Variants in CTNND2 observed in about 807,000 individuals in gnomAD.
CTNND2 encodes the protein catenin delta 2.
Under a neutral mutation model 144.4 loss-of-function variants are expected in CTNND2, and 22 were observed. That is an observed-to-expected ratio of 0.15 (90% CI 0.11 to 0.22). The LOEUF is 0.22. CTNND2 is among the 10% of genes least tolerant of loss of function. The pLI is 1.00. For missense variants in CTNND2, 1,353 were observed against 1,618.8 expected (o/e 0.84, Z 2.82); for synonymous variants, 751 against 695.6 (o/e 1.08, Z -1.25).
intron 3 of CTNND2, among the ~76,000 whole-genome samples, chr5:11,503,814 G>A (rs570955199): frequency 3.3e-4 from 50 of 152,224 alleles, no homozygotes; most frequent in African/African-American, 1.1e-3. Flanking sequence ...GTTACTTATG[G>A]AACAAAACAA....
At chr5:11,297,172 C>T (rs1749112328) in intron 9 of CTNND2, among the ~76,000 whole-genome samples, 1 of 152,134 alleles carries the variant, frequency 6.6e-6, no homozygotes, top group African/African-American at 2.4e-5. Context: ...ATTCAAGGTC[C>T]ATTCAAGGAT....
chr5:11,002,669 C>T (rs1012985010), intron 18 of CTNND2, among the ~76,000 whole-genome samples: 7 of 152,142 alleles, frequency 4.6e-5, no homozygotes, highest in Admixed American at 6.5e-5. Flanking sequence ...TTTTGAGTTA[C>T]GTGCATGGTG....
intron 9 of CTNND2, among the ~76,000 whole-genome samples, chr5:11,240,644 T>C (rs1580684232): frequency 1.0e-5 from 1 of 99,132 alleles, no homozygotes; most frequent in Non-Finnish European, 1.9e-5. Flanking sequence ...ACACCAAACA[T>C]ACCCAACACC....
Position 10,974,028 on chromosome 5 carries a change from C to T in CTNND2, c.3418-315G>A, listed in dbSNP as rs1566625. On this transcript the variant is annotated intron_variant, in intron 21 of 21. Coordinates refer to ENST00000304623, the MANE Select transcript of CTNND2 (RefSeq NM_001332.4). ...AAGAACATTCACAGTGTTGTGCAAC[C>T]ATCACCACCATCCGTTTCCACCACT... 5.7e-3 allele frequency among the ~76,000 whole-genome samples: 861 copies of T among 152,280 alleles called. 9 individuals carry two copies. Among genetic ancestry groups the T allele is most frequent in the African/African-American group, 0.02 (830 of 41,562 alleles).
intron 9 of CTNND2, among the ~76,000 whole-genome samples, chr5:11,288,110 G>A (rs1430412400): frequency 6.6e-6 from 1 of 152,194 alleles, no homozygotes; most frequent in Non-Finnish European, 1.5e-5. Context: ...ACTGTAGGCA[G>A]ATGCATTGCG....
intron 12 of CTNND2, among the ~76,000 whole-genome samples, chr5:11,151,001 C>G (rs1313652491): frequency 6.6e-6 from 1 of 152,072 alleles, no homozygotes; most frequent in Non-Finnish European, 1.5e-5. Context: ...ATCACATCTA[C>G]AAGCTGGAGA....
In CTNND2 at chr5:11,592,653, G is replaced by A. The variant is rs556080722; in HGVS notation, c.175-27597C>T. On this transcript the variant is annotated intron_variant, in intron 2 of 21. Transcript: ENST00000304623. ...TCTTTGCAGACCAGAAATAGTGGGG[G>A]AAAGCCCTCAATTTGATCAAAACAA... 2.0e-5 allele frequency among the ~76,000 whole-genome samples: 3 copies of A among 151,690 alleles called. No homozygotes were observed. The East Asian group carries it at 5.8e-4, about 29-fold the overall frequency.
At chr5:11,312,796 G>A (rs537368798) in intron 9 of CTNND2, among the ~76,000 whole-genome samples, 5 of 149,326 alleles carry the variant, frequency 3.3e-5, no homozygotes, top group African/African-American at 1.2e-4. Context: ...CTCAAAGCCA[G>A]CCATACGTCC....
At chr5:11,532,553 T>G (rs1455061890) in intron 3 of CTNND2, among the ~76,000 whole-genome samples, 2 of 152,186 alleles carry the variant, frequency 1.3e-5, no homozygotes, top group Non-Finnish European at 2.9e-5. Flanking sequence ...ATTGAGCACC[T>G]ACTGTAGGTC....
chr5:11,422,641 A>T (rs1581162148), intron 3 of CTNND2, among the ~76,000 whole-genome samples: 1 of 151,994 alleles, frequency 6.6e-6, no homozygotes, highest in East Asian at 1.9e-4. Context: ...GGGAGAATTC[A>T]CATTAAATTC....
At chr5:11,418,731 T>C (rs531935609) in intron 3 of CTNND2, among the ~76,000 whole-genome samples, 3 of 152,290 alleles carry the variant, frequency 2.0e-5, no homozygotes, top group African/African-American at 7.2e-5. Context: ...GAAATAGAGT[T>C]TATTCTTTCC....
At chr5:11,179,142 A>AT (rs1760759208) in intron 11 of CTNND2, among the ~76,000 whole-genome samples, 1 of 151,600 alleles carries the variant, frequency 6.6e-6, no homozygotes, top group African/African-American at 2.4e-5. Flanking sequence ...CAGCAGAGCA[A>AT]TTAGTCCAGC....
intron 16 of CTNND2, among the ~76,000 whole-genome samples, chr5:11,079,736 C>G (rs893340020): frequency 6.6e-6 from 1 of 152,182 alleles, no homozygotes; most frequent in African/African-American, 2.4e-5. Context: ...CCAACCACCC[C>G]TATCTTGACC....
chr5:11,830,531 G>A (rs1262666104), intron 1 of CTNND2, among the ~76,000 whole-genome samples: 1 of 152,208 alleles, frequency 6.6e-6, no homozygotes, highest in Admixed American at 6.5e-5. Context: ...GATGGGACTT[G>A]TTCCTCCTTT....
chr5:11,710,846 G>A (rs543275569), intron 2 of CTNND2, among the ~76,000 whole-genome samples: 7 of 152,236 alleles, frequency 4.6e-5, no homozygotes, highest in African/African-American at 1.2e-4. Context: ...CTTTTGCTAC[G>A]TTTCTCTTTT....
intron 1 of CTNND2, among the ~76,000 whole-genome samples, chr5:11,847,819 GAAAT>G (rs1177736262): frequency 1.3e-5 from 2 of 151,910 alleles, no homozygotes; most frequent in Admixed American, 1.3e-4. Context: ...AAACAATGTG[GAAAT>G]AGATACTGAA....
At chr5:11,654,223 T>TGGTACCA (rs1248580418) in intron 2 of CTNND2, among the ~76,000 whole-genome samples, 2 of 151,978 alleles carry the variant, frequency 1.3e-5, no homozygotes, top group African/African-American at 4.8e-5. Context: ...TTGCTCTTCC[T>TGGTACCA]GGTACCATAA....
chr5:11,072,528 G>A (rs981503414), intron 16 of CTNND2, among the ~76,000 whole-genome samples: 21 of 152,252 alleles, frequency 1.4e-4, no homozygotes, highest in South Asian at 2.1e-4. Flanking sequence ...ATATTGTTAC[G>A]AACTTTCTGG....
intron 16 of CTNND2, among the ~76,000 whole-genome samples, chr5:11,071,846 A>C (rs1206025783): frequency 6.6e-6 from 1 of 152,206 alleles, no homozygotes; most frequent in Non-Finnish European, 1.5e-5. Context: ...TATCAATAAG[A>C]TATCACACTT....
Sources: gnomAD v4.1 joint callset for allele counts (sites outside exome capture counted in the v4.1 genomes callset) on GRCh38, gnomAD v4.1.1 for gene constraint, MANE v1.5 for transcripts, NCBI Gene and HGNC (gene_info 2026-07-23, HGNC 2026-07-21) for gene names.